Variants in SATB2 observed in about 807,000 individuals in gnomAD.
SATB2 encodes DNA-binding protein SATB2.
A neutral mutation model predicts 73.4 loss-of-function variants in SATB2; 1 was observed. The ratio of observed to expected loss-of-function variants is 0.01; its 90% CI spans 0.00 to 0.06. The LOEUF (loss-of-function observed/expected upper bound fraction) is 0.06, where lower values mean the gene tolerates loss of function less well. Among genes scored for constraint, SATB2 ranks in the 10% least tolerant of loss-of-function variants. The pLI, the probability that SATB2 is intolerant of heterozygous loss-of-function variation, is 1.00. For synonymous variants in SATB2, 397 were observed against 367.0 expected, an observed-to-expected ratio of 1.08 and a Z score of -0.93; for missense variants, 459 against 945.8, an observed-to-expected ratio of 0.49 and a Z score of 6.75.
chr2:199,442,526 C>G (rs570621851), intron 2 of SATB2, among the ~76,000 whole-genome samples: 127 of 152,248 alleles, frequency 8.3e-4, no homozygotes, highest in African/African-American at 3.0e-3. Flanking sequence ...AATTTAGTAA[C>G]TACAGAAAGA....
At chr2:199,334,378 G>T (rs1211895123) in intron 7 of SATB2, among the ~76,000 whole-genome samples, 1 of 152,090 alleles carries the variant, frequency 6.6e-6, no homozygotes, top group Non-Finnish European at 1.5e-5. Context: ...ATGTATTTTA[G>T]TTCATAATTA....
intron 2 of SATB2, among the ~76,000 whole-genome samples, chr2:199,445,272 G>GA (rs1559059407): frequency 6.6e-6 from 1 of 152,066 alleles, no homozygotes; most frequent in Non-Finnish European, 1.5e-5. Flanking sequence ...GGAACAGTGT[G>GA]AAAAAAGAGG....
At chr2:199,343,745 C>A (rs537631440) in intron 7 of SATB2, among the ~76,000 whole-genome samples, 11 of 152,148 alleles carry the variant, frequency 7.2e-5, no homozygotes, top group Non-Finnish European at 1.2e-4. Flanking sequence ...TACATTCCTA[C>A]GCAGTTTCCA....
chr2:199,338,010 A>G (rs577851827), intron 7 of SATB2, among the ~76,000 whole-genome samples: 1 of 152,288 alleles, frequency 6.6e-6, no homozygotes, highest in African/African-American at 2.4e-5. Context: ...TGTAAATATA[A>G]CATCACTCAG....
At chr2:199,318,882 A>G (rs1221128759) in intron 9 of SATB2, among the ~76,000 whole-genome samples, 1 of 152,128 alleles carries the variant, frequency 6.6e-6, no homozygotes, top group African/African-American at 2.4e-5. Flanking sequence ...GACCACCTAT[A>G]AGGAGAGATT....
intron 2 of SATB2, among the ~76,000 whole-genome samples, chr2:199,439,401 G>A (rs75684475): frequency 0.033 from 5,049 of 152,300 alleles, 304 homozygotes; most frequent in African/African-American, 0.11. Context: ...CTTCCCTGGA[G>A]CCTGCAGCTT....
Position 199,436,424 on chromosome 2 carries a change from T to TAA in SATB2, c.170-2912_170-2911dup, listed in dbSNP as rs200573943. Among the ~76,000 whole-genome samples, 124 of 149,926 alleles carry TAA rather than the reference T, an allele frequency of 8.3e-4. 1 individual carries two copies. The highest frequency in any genetic ancestry group is 2.8e-3 in the African/African-American group (115 of 40,954). On this transcript the variant is annotated intron_variant, in intron 2 of 10. Transcript: ENST00000417098. ...CAATCCCCTACTGGCATCATCTATT[T>TAA]AAAAAAAAACAAAACAAAACAAAAC...
chr2:199,341,465 T>A (rs1051764840), intron 7 of SATB2, among the ~76,000 whole-genome samples: 1 of 152,180 alleles, frequency 6.6e-6, no homozygotes, highest in Admixed American at 6.5e-5. Flanking sequence ...TTCATTTAAG[T>A]CAAGTTTGGT....
chr2:199,330,949 T>C (rs927694347), intron 7 of SATB2, among the ~76,000 whole-genome samples: 2 of 152,100 alleles, frequency 1.3e-5, no homozygotes, highest in African/African-American at 2.4e-5. Flanking sequence ...TTACTAAAAC[T>C]TGAAGGAGTT....
chr2:199,404,343 G>A (rs2105895918), intron 3 of SATB2, among the ~76,000 whole-genome samples: 1 of 152,182 alleles, frequency 6.6e-6, no homozygotes, highest in Middle Eastern at 3.4e-3. Flanking sequence ...ACAGATAGAA[G>A]AAAAAACATA....
chr2:199,421,979 C>G lies in SATB2; in HGVS notation c.346+11359G>C, dbSNP rs377559949. Among the ~76,000 whole-genome samples the G allele has an allele frequency of 2.6e-5, 4 of 152,310 alleles. No homozygotes were observed. The East Asian group carries it at 7.7e-4, about 29-fold the overall frequency. On this transcript the variant is annotated intron_variant, in intron 3 of 10. Transcript: ENST00000417098. ...ATGTGCTGGGTATATAGTATCTGCA[C>G]TTAACACTTCCTAATTTACTGACCA...
intron 6 of SATB2, among the ~76,000 whole-genome samples, chr2:199,353,574 AAG>A (rs1688885254): frequency 1.3e-5 from 2 of 152,198 alleles, no homozygotes; most frequent in Admixed American, 1.3e-4. Context: ...ATGCTTAAAA[AAG>A]AGAGGGAGTA....
intron 9 of SATB2, among the ~76,000 whole-genome samples, chr2:199,315,422 T>C (rs1405600353): frequency 2.6e-5 from 4 of 152,058 alleles, no homozygotes; most frequent in Admixed American, 2.6e-4. Flanking sequence ...GTGTTCAAGC[T>C]TGGAGCCTAA....
At chr2:199,288,051 A>G (rs1298238939) in intron 10 of SATB2, among the ~76,000 whole-genome samples, 3 of 152,224 alleles carry the variant, frequency 2.0e-5, no homozygotes, top group African/African-American at 7.2e-5. Context: ...AGACTCTAAG[A>G]ATAACACTAT....
intron 3 of SATB2, among the ~76,000 whole-genome samples, chr2:199,386,705 C>A (rs868285022): frequency 1.5e-5 from 1 of 68,828 alleles, no homozygotes; most frequent in Non-Finnish European, 2.6e-5. Context: ...AGCGCGCGCG[C>A]GCGCGCGCGC....
At chr2:199,448,868 C>T (rs1692043332) in intron 2 of SATB2, among the ~76,000 whole-genome samples, 1 of 152,060 alleles carries the variant, frequency 6.6e-6, no homozygotes, top group Admixed American at 6.6e-5. Context: ...TCCAATGATA[C>T]GGCTACTAGG....
intron 2 of SATB2, among the ~76,000 whole-genome samples, chr2:199,453,483 T>A (rs1173304850): frequency 6.6e-6 from 1 of 151,998 alleles, no homozygotes; most frequent in African/African-American, 2.4e-5. Context: ...CAAAAGAACA[T>A]AGAATGGTAG....
At position 199,433,429 on chromosome 2, in the gene SATB2, G is replaced by T. The variant is rs1691561955; in HGVS notation, c.255C>A (p.Val85=). ...TAAAAAGCACATCTTTCCGCACCAG[G>T]ACAAACTCGGCGTGTTCTTCTCTGT... ...YDNREEHAEF[V]LVRKDVLFSQ... Residue 85 remains valine, a synonymous_variant, in exon 3 of 11, where the codon GTC becomes GTA. Coordinates refer to ENST00000417098, the MANE Select transcript of SATB2 (RefSeq NM_001172509.2). The T allele has an allele frequency of 2.5e-6, 4 of 1,614,148 alleles. No homozygotes were observed. Among genetic ancestry groups the T allele is most frequent in the Middle Eastern group, 1.6e-4 (1 of 6,062 alleles).
chr2:199,423,881 A>C (rs1691248593), intron 3 of SATB2: 2 of 152,196 alleles, frequency 1.3e-5, no homozygotes, highest in African/African-American at 4.8e-5. Flanking sequence ...GATTTTCAGC[A>C]TCCTATTCTC....
Sources: gnomAD v4.1 joint callset for allele counts (sites outside exome capture counted in the v4.1 genomes callset) on GRCh38, gnomAD v4.1.1 for gene constraint, MANE v1.5 for transcripts, NCBI Gene and HGNC (gene_info 2026-07-23, HGNC 2026-07-21) for gene names.